The following CPSF4L variants were observed in gnomAD, a reference collection of about 807,000 sequenced individuals.
The protein encoded by CPSF4L is cleavage and polyadenylation specific factor 4 like.
In CPSF4L, 18 loss-of-function variants were observed where a neutral mutation model predicts 24.0. That is an observed-to-expected ratio of 0.75 (90% CI 0.52 to 1.11). The LOEUF (loss-of-function observed/expected upper bound fraction) is 1.11, where lower values mean the gene tolerates loss of function less well. CPSF4L is among the 50% of genes least tolerant of loss of function. The probability of loss-of-function intolerance (pLI) is 0.00; values close to 1 mark genes in which losing one functional copy is unlikely to be tolerated. For missense variants in CPSF4L, 211 were observed against 221.8 expected, an observed-to-expected ratio of 0.95 and a Z score of 0.31; for synonymous variants, 72 against 77.2, an observed-to-expected ratio of 0.93 and a Z score of 0.35.
the CPSF4L span, chr17:73,242,859 G>T: frequency 3.2e-6 from 5 of 1,558,526 alleles, no homozygotes; most frequent in Non-Finnish European, 3.5e-6. Context: ...CCTAGTTTCA[G>T]TTGCTGTAAC....
intron 5 of CPSF4L, chr17:73,250,927 G>A (rs1375957835): frequency 2.1e-6 from 3 of 1,413,360 alleles, no homozygotes; most frequent in East Asian, 2.5e-5. Context: ...TGCCCTCCCA[G>A]CTCTCAGCCA....
chr17:73,242,536 AATAACAGCTACCAT>A, the CPSF4L span, among the ~76,000 whole-genome samples: 2 of 152,190 alleles, frequency 1.3e-5, no homozygotes, highest in Non-Finnish European at 1.5e-5. Flanking sequence ...CACCAAAGCT[AATAACAGCTACCAT>A]TTATTCAACA....
At chr17:73,255,086 A>T (rs2062019589) in intron 3 of CPSF4L, among the ~76,000 whole-genome samples, 1 of 152,214 alleles carries the variant, frequency 6.6e-6, no homozygotes, top group Non-Finnish European at 1.5e-5. Context: ...AAATGTCTAC[A>T]GCTCAGTGCT....
At chr17:73,246,510 T>C (rs1007211353), downstream of CPSF4L, among the ~76,000 whole-genome samples, 9 of 152,202 alleles carry the variant, frequency 5.9e-5, no homozygotes, top group African/African-American at 1.9e-4. Context: ...CATTCCAGCC[T>C]GGGTGATGGA....
chr17:73,260,963 T>A lies in CPSF4L; in HGVS notation c.124A>T (p.Asn42Tyr). 6.4e-7 allele frequency: 1 copy of A among 1,550,530 alleles called. No homozygotes were observed. The highest frequency in any genetic ancestry group is 8.7e-7 in the Non-Finnish European group (1 of 1,146,320). ...GMDKSASAVC[N>Y]FFTKGLCEKG... ...TCACAGAGCCCTTTAGTGAAGAAGTTGCACACAGCTGAGGCCGACTCTGGA... is the reference window on the plus strand; with the variant it reads ...TCACAGAGCCCTTTAGTGAAGAAGTAGCACACAGCTGAGGCCGACTCTGGA... The change falls in exon 2 of 6, where the codon AAC becomes TAC. Residue 42 changes from asparagine to tyrosine, a missense_variant. Asn to Tyr is a moderately radical substitution (Grantham distance 143). Coordinates refer to ENST00000344935, the MANE Select transcript of CPSF4L (RefSeq NM_001129885.1).
downstream of CPSF4L, chr17:73,245,885 C>A: frequency 4.4e-6 from 1 of 228,278 alleles, no homozygotes; most frequent in African/African-American, 2.3e-5. Flanking sequence ...CAGAATCCCA[C>A]CCCTATCTAT....
chr17:73,261,113 G>A, intron 1 of CPSF4L, 130 bp from the exon 2 acceptor site: 1 of 710,586 alleles, frequency 1.4e-6, no homozygotes, highest in Non-Finnish European at 2.4e-6. Flanking sequence ...CCCAAATCTG[G>A]GCCCTGTAGA....
downstream of CPSF4L, chr17:73,245,337 T>C: frequency 2.2e-6 from 3 of 1,386,224 alleles, no homozygotes; most frequent in Non-Finnish European, 2.8e-6. Flanking sequence ...ATTATTGGAA[T>C]CTAAAATAAT....
chr17:73,246,230 A>C (rs1383910579), downstream of CPSF4L, among the ~76,000 whole-genome samples: 2 of 152,166 alleles, frequency 1.3e-5, no homozygotes, highest in South Asian at 2.1e-4. Flanking sequence ...CTTATGTCCC[A>C]GCTCTTTTAA....
At chr17:73,250,731 C>T (rs1000321260) in intron 5 of CPSF4L, among the ~76,000 whole-genome samples, 4 of 152,136 alleles carry the variant, frequency 2.6e-5, no homozygotes, top group South Asian at 2.1e-4. Context: ...ATTTTAAGGA[C>T]GTTATGTACA....
the CPSF4L span, chr17:73,242,294 G>GACTTACAA: frequency 1.4e-5 from 23 of 1,605,692 alleles, no homozygotes; most frequent in Non-Finnish European, 2.0e-5. Context: ...GGAACCCCCT[G>GACTTACAA]CCGGACTTAC....
intron 5 of CPSF4L, chr17:73,248,863 A>T (rs1439768664): frequency 7.2e-6 from 2 of 279,424 alleles, no homozygotes; most frequent in Non-Finnish European, 1.4e-5. Flanking sequence ...TAAAAATAAA[A>T]TCATTTTATT....
chr17:73,243,174 G>A, the CPSF4L span: 1 of 670,872 alleles, frequency 1.5e-6, no homozygotes, highest in East Asian at 2.9e-5. Flanking sequence ...ATTTTTTTGA[G>A]ATACAGTTTT....
the CPSF4L span, chr17:73,242,126 T>C: frequency 1.8e-6 from 1 of 570,026 alleles, no homozygotes; most frequent in African/African-American, 1.9e-5. Flanking sequence ...AAATCTTTAA[T>C]GCACCTGTTT....
At chr17:73,255,377 C>T (rs753085596) in intron 3 of CPSF4L, among the ~76,000 whole-genome samples, 5 of 151,850 alleles carry the variant, frequency 3.3e-5, no homozygotes, top group Non-Finnish European at 5.9e-5. Context: ...TATGGTGGCA[C>T]GTGCCTGTAG....
downstream of CPSF4L, among the ~76,000 whole-genome samples, chr17:73,243,726 G>T (rs2145241944): frequency 6.6e-6 from 1 of 152,022 alleles, no homozygotes; most frequent in South Asian, 2.1e-4. Context: ...TAGAGACAGG[G>T]TTTTCACCAT....
chr17:73,248,143 T>C (rs899796279), downstream of CPSF4L: 17 of 250,074 alleles, frequency 6.8e-5, no homozygotes, highest in Non-Finnish European at 9.3e-5. Context: ...AGGATACATT[T>C]TTCGCTCATG....
At chr17:73,246,832 C>T (rs929252207), downstream of CPSF4L, among the ~76,000 whole-genome samples, 2 of 152,162 alleles carry the variant, frequency 1.3e-5, no homozygotes, top group African/African-American at 4.8e-5. Context: ...CTAAGAACTT[C>T]ATTGGAACCC....
chr17:73,249,971 G>A (rs1599409819), intron 5 of CPSF4L: 2 of 327,350 alleles, frequency 6.1e-6, no homozygotes, highest in East Asian at 1.1e-4. Flanking sequence ...TATAATGATC[G>A]TGGATTTCCC....
Sources: gnomAD v4.1 joint callset for allele counts (sites outside exome capture counted in the v4.1 genomes callset) on GRCh38, gnomAD v4.1.1 for gene constraint, MANE v1.5 for transcripts, NCBI Gene and HGNC (gene_info 2026-07-23, HGNC 2026-07-21) for gene names.